Variants in MAP3K19 observed in about 807,000 individuals in gnomAD.
The protein encoded by MAP3K19 is SPS1/STE20-related protein kinase YSK4.
A neutral mutation model predicts 114.4 loss-of-function variants in MAP3K19; 91 were observed. The ratio of observed to expected loss-of-function variants is 0.80; its 90% CI spans 0.67 to 0.95. The LOEUF (loss-of-function observed/expected upper bound fraction) is 0.95, where lower values mean the gene tolerates loss of function less well. Among genes scored for constraint, MAP3K19 ranks in the 40% least tolerant of loss-of-function variants. The pLI is 0.00. For missense variants in MAP3K19, 1,471 were observed against 1,573.2 expected (o/e 0.94, Z 1.10); for synonymous variants, 518 against 530.5 (o/e 0.98, Z 0.32).
chr2:134,988,394 C>CT lies in MAP3K19; in HGVS notation c.619-142dup, dbSNP rs1002807182. On this transcript the variant is annotated intron_variant, in intron 9 of 12. Transcript: ENST00000392915. Reference sequence around the variant, plus strand: ...CAAAGCTATCCTGGAAATCACAATTCTTTTTTTTCTTCTTGAGACAAGATC... The same window carrying CT: ...CAAAGCTATCCTGGAAATCACAATTCTTTTTTTTTCTTCTTGAGACAAGATC... 9.1e-5 allele frequency: 66 copies of CT among 724,788 alleles called. No homozygotes were observed. The Admixed American group carries it at 9.6e-4, about 11-fold the overall frequency. The allele number at this position is 724,788 out of a possible 1,614,324, so 44.9% of individuals were successfully genotyped here.
intron 5 of MAP3K19, among the ~76,000 whole-genome samples, chr2:135,008,875 C>T (rs1369923592): frequency 6.6e-6 from 1 of 152,094 alleles, no homozygotes; most frequent in Non-Finnish European, 1.5e-5. Flanking sequence ...AACTCCTGGG[C>T]TCAGGTGATC....
At chr2:134,997,687 C>T (rs1010805155) in intron 8 of MAP3K19, among the ~76,000 whole-genome samples, 2 of 151,910 alleles carry the variant, frequency 1.3e-5, no homozygotes, top group East Asian at 3.9e-4. Flanking sequence ...GGCGTGGTGG[C>T]ATGCGCCTGT....
At position 134,964,716 on chromosome 2, in the gene MAP3K19, G is replaced by A; in HGVS notation, c.*134C>T. ...TATGTAACTGCAACTTTCAGTTAAT[G>A]ACTCCATAGGATCTGCTTAAACTGG... On this transcript the variant is annotated 3_prime_UTR_variant, in exon 13 of 13. Transcript: ENST00000392915. 1.8e-6 allele frequency: 1 copy of A among 566,816 alleles called. No individual in the cohort carries two copies. Among genetic ancestry groups the A allele is most frequent in the Non-Finnish European group, 3.1e-6 (1 of 319,868 alleles). The allele number at this position is 566,816 out of a possible 1,614,324, so 35.1% of individuals were successfully genotyped here. A position where few individuals can be genotyped will look rare whatever the true frequency, so the allele number is the denominator to read the frequency against.
At chr2:135,006,175 T>C (rs1393345840) in intron 5 of MAP3K19, among the ~76,000 whole-genome samples, 2 of 152,256 alleles carry the variant, frequency 1.3e-5, no homozygotes, top group Non-Finnish European at 2.9e-5. Context: ...GTTTTCTTAG[T>C]AGAATTCATT....
intron 12 of MAP3K19, among the ~76,000 whole-genome samples, chr2:134,970,213 T>C (rs1348031181): frequency 6.6e-6 from 1 of 152,202 alleles, no homozygotes; most frequent in East Asian, 1.9e-4. Flanking sequence ...ATAACTTTGG[T>C]TAGTATGACC....
chr2:135,033,274 G>A lies in MAP3K19; in HGVS notation c.-283-2774C>T, dbSNP rs1174136959. Among the ~76,000 whole-genome samples, 56 of 115,830 alleles carry A rather than the reference G, an allele frequency of 4.8e-4. 11 individuals carry two copies. The highest frequency in any genetic ancestry group is 2.2e-3 in the African/African-American group (51 of 22,786). 76.0% of individuals were successfully genotyped at this position (115,830 alleles called of 152,430 possible). ...CCCCCACCTCCCTCCCAGACAGGGC[G>A]GCTGGCCGGGCAGAGGGGCTCCTCA... On this transcript the variant is annotated intron_variant, in intron 2 of 12. Coordinates refer to ENST00000392915, the MANE Select transcript of MAP3K19 (RefSeq NM_025052.5).
intron 2 of MAP3K19, among the ~76,000 whole-genome samples, chr2:135,031,401 G>A (rs531233838): frequency 1.3e-5 from 2 of 152,200 alleles, no homozygotes; most frequent in Non-Finnish European, 2.9e-5. Context: ...GTGTACAAGA[G>A]GGCAAGTAAT....
intron 8 of MAP3K19, among the ~76,000 whole-genome samples, chr2:134,994,237 T>A (rs1281783334): frequency 6.6e-6 from 1 of 152,148 alleles, no homozygotes; most frequent in African/African-American, 2.4e-5. Flanking sequence ...AATAACTGAT[T>A]GAGTTGTCAG....
chr2:135,011,693 GTTT>G (rs1316654930), intron 5 of MAP3K19, among the ~76,000 whole-genome samples: 2 of 150,900 alleles, frequency 1.3e-5, no homozygotes, highest in Admixed American at 6.6e-5. Context: ...TTGTTTGTTT[GTTT>G]TTTAGAAACA....
At chr2:134,990,404 A>C (rs905211406) in intron 9 of MAP3K19, among the ~76,000 whole-genome samples, 8 of 151,648 alleles carry the variant, frequency 5.3e-5, no homozygotes, top group African/African-American at 1.9e-4. Context: ...ATGGTGATCC[A>C]CTTCCACTTA....
At chr2:134,977,179 C>T (rs1367495937) in intron 12 of MAP3K19, among the ~76,000 whole-genome samples, 3 of 150,156 alleles carry the variant, frequency 2.0e-5, no homozygotes, top group African/African-American at 2.5e-5. Flanking sequence ...ACCGCTCCCC[C>T]ACCCACTTTT....
intron 12 of MAP3K19, among the ~76,000 whole-genome samples, chr2:134,977,512 G>A (rs1684326230): frequency 6.6e-6 from 1 of 151,700 alleles, no homozygotes; most frequent in Non-Finnish European, 1.5e-5. Flanking sequence ...ACAGGTGCCT[G>A]CCACCACACC....
At position 135,046,577 on chromosome 2, in the gene MAP3K19, A is replaced by T. The variant is rs371128999; in HGVS notation, c.-424+608T>A. On this transcript the variant is annotated intron_variant, in intron 1 of 12. Transcript: ENST00000392915. ...GGGCATGAGCCACCATGCCCGCCCC[A>T]TTTAGAACTGTTTTGGTCAATGATT... Among the ~76,000 whole-genome samples, 28 of 152,196 alleles carry T rather than the reference A, an allele frequency of 1.8e-4. No homozygotes were observed. The East Asian group carries it at 4.3e-3, about 23-fold the overall frequency.
chr2:134,976,260 C>T (rs1176875941), intron 12 of MAP3K19, among the ~76,000 whole-genome samples: 1 of 152,210 alleles, frequency 6.6e-6, no homozygotes, highest in Non-Finnish European at 1.5e-5. Context: ...TGTGAGCTCC[C>T]TCTCCGGAGC....
intron 2 of MAP3K19, among the ~76,000 whole-genome samples, chr2:135,031,158 T>TAAA (rs58623364): frequency 3.7e-5 from 5 of 134,956 alleles, no homozygotes; most frequent in Admixed American, 3.7e-4. Context: ...GAGACATATT[T>TAAA]AAAAAAAAAA....
At chr2:135,015,856 G>A (rs1687553292) in intron 5 of MAP3K19, among the ~76,000 whole-genome samples, 1 of 151,622 alleles carries the variant, frequency 6.6e-6, no homozygotes, top group South Asian at 2.1e-4. Context: ...TTGCACCACA[G>A]CACTCTAGCC....
chr2:134,991,649 G>T, intron 8 of MAP3K19, 69 bp from the exon 9 acceptor site: 1 of 1,301,782 alleles, frequency 7.7e-7, no homozygotes, highest in Non-Finnish European at 1.1e-6. Context: ...GCCAGAGTCT[G>T]GGGATGGAGT....
At chr2:135,021,597 T>A (rs1227361359) in intron 5 of MAP3K19, 118 bp downstream of exon 5, 4 of 606,982 alleles carry the variant, frequency 6.6e-6, no homozygotes, top group Non-Finnish European at 1.1e-5. Flanking sequence ...TATGCTTTTT[T>A]ATGATTACAC....
intron 5 of MAP3K19, among the ~76,000 whole-genome samples, chr2:135,019,267 T>C (rs1486763402): frequency 6.6e-6 from 1 of 152,194 alleles, no homozygotes; most frequent in Non-Finnish European, 1.5e-5. Flanking sequence ...ATTTAAAACT[T>C]CTTTTTAATA....
Sources: allele counts gnomAD v4.1 joint callset (sites outside exome capture counted in the v4.1 genomes callset), GRCh38; gene constraint gnomAD v4.1.1; transcripts MANE v1.5; gene names NCBI Gene and HGNC (gene_info 2026-07-23, HGNC 2026-07-21).